CTNND2: variants seen among roughly 807,000 people sequenced by gnomAD.
CTNND2 encodes the protein catenin delta-2.
A neutral mutation model predicts 144.4 loss-of-function variants in CTNND2; 22 were observed. That is an observed-to-expected ratio of 0.15 (90% CI 0.11 to 0.22). The LOEUF (loss-of-function observed/expected upper bound fraction) is 0.22. Ranked by LOEUF, CTNND2 falls within the 10% of genes least tolerant of loss-of-function variation. The pLI is 1.00. For synonymous variants in CTNND2, 751 were observed against 695.6 expected (o/e 1.08, Z -1.25); for missense variants, 1,353 against 1,618.8 (o/e 0.84, Z 2.82).
chr5:11,165,085 A>C (rs61757193), intron 11 of CTNND2, among the ~76,000 whole-genome samples: 1 of 152,268 alleles, frequency 6.6e-6, no homozygotes, highest in Non-Finnish European at 1.5e-5. Context: ...TAGCGTTAGC[A>C]AAATGACGTC....
intron 3 of CTNND2, among the ~76,000 whole-genome samples, chr5:11,481,785 GA>G (rs912209685): frequency 6.6e-5 from 10 of 151,226 alleles, no homozygotes; most frequent in South Asian, 2.1e-4. Flanking sequence ...ACTGGGTTGG[GA>G]AAAAAAAATT....
chr5:11,486,017 C>A lies in CTNND2; in HGVS notation c.288-73948G>T, dbSNP rs189203547. Among the ~76,000 whole-genome samples the A allele has an allele frequency of 4.7e-4, 71 of 152,046 alleles. No homozygotes were observed. The East Asian group carries it at 0.013, about 27-fold the overall frequency. On this transcript the variant is annotated intron_variant, in intron 3 of 21. Coordinates refer to ENST00000304623, the MANE Select transcript of CTNND2 (RefSeq NM_001332.4). ...AGTTGATAAAACATGGTATAAGAAGCCCTATAAATAAAGAAGAAAAAAACA... is the reference window on the plus strand; with the variant it reads ...AGTTGATAAAACATGGTATAAGAAGACCTATAAATAAAGAAGAAAAAAACA...
At chr5:11,295,447 A>G (rs1748826060) in intron 9 of CTNND2, among the ~76,000 whole-genome samples, 2 of 152,196 alleles carry the variant, frequency 1.3e-5, no homozygotes, top group African/African-American at 4.8e-5. Context: ...CCATCAAGCT[A>G]CCAATGACTT....
intron 1 of CTNND2, among the ~76,000 whole-genome samples, chr5:11,758,963 A>G (rs1283700054): frequency 1.3e-5 from 2 of 152,044 alleles, no homozygotes; most frequent in African/African-American, 4.8e-5. Context: ...TTTAATATTT[A>G]GTTGTTAGAA....
chr5:11,851,244 T>C (rs1794995912), intron 1 of CTNND2, among the ~76,000 whole-genome samples: 1 of 122,852 alleles, frequency 8.1e-6, no homozygotes, highest in South Asian at 3.1e-4. Context: ...ATAATATTCA[T>C]ATTATCTCTC....
intron 18 of CTNND2, among the ~76,000 whole-genome samples, chr5:11,000,296 G>A (rs971698442): frequency 6.6e-6 from 1 of 152,222 alleles, no homozygotes. Flanking sequence ...GCCGAGGCGG[G>A]CAGATCATGA....
At chr5:11,543,206 C>T (rs2530904) in intron 3 of CTNND2, among the ~76,000 whole-genome samples, 39,113 of 152,058 alleles carry the variant, frequency 0.26, 5,868 homozygotes, top group African/African-American at 0.42. Context: ...TAGATGAAAT[C>T]TGCAAACAGT....
intron 1 of CTNND2, among the ~76,000 whole-genome samples, chr5:11,855,909 A>G (rs780066292): frequency 2.6e-5 from 4 of 152,238 alleles, no homozygotes; most frequent in Non-Finnish European, 4.4e-5. Flanking sequence ...AATAAAGGAT[A>G]TTGCCGGATA....
At chr5:11,402,602 C>T (rs1760731414) in intron 5 of CTNND2, among the ~76,000 whole-genome samples, 1 of 152,184 alleles carries the variant, frequency 6.6e-6, no homozygotes, top group South Asian at 2.1e-4. Flanking sequence ...TGGTTGTTTT[C>T]TCCTGATCTT....
At chr5:11,484,983 A>G (rs1768659508) in intron 3 of CTNND2, among the ~76,000 whole-genome samples, 1 of 152,220 alleles carries the variant, frequency 6.6e-6, no homozygotes, top group South Asian at 2.1e-4. Context: ...TATATCATAT[A>G]CTTAGGAAAG....
intron 16 of CTNND2, among the ~76,000 whole-genome samples, chr5:11,066,105 T>C (rs1747546007): frequency 6.6e-6 from 1 of 151,858 alleles, no homozygotes; most frequent in Non-Finnish European, 1.5e-5. Context: ...AGTGGTGTGA[T>C]CTCAGCTCAC....
intron 1 of CTNND2, among the ~76,000 whole-genome samples, chr5:11,774,328 TG>T (rs1364239228): frequency 6.9e-6 from 1 of 144,776 alleles, no homozygotes; most frequent in African/African-American, 2.6e-5. Flanking sequence ...ATGGTGTATA[TG>T]TGCCACATTT....
chr5:11,871,713 A>G (rs1437585707), intron 1 of CTNND2, among the ~76,000 whole-genome samples: 1 of 152,066 alleles, frequency 6.6e-6, no homozygotes, highest in Non-Finnish European at 1.5e-5. Flanking sequence ...TGTTGTTCAT[A>G]TTTTAGTATT....
chr5:11,859,389 C>T (rs368260759), intron 1 of CTNND2, among the ~76,000 whole-genome samples: 13 of 152,250 alleles, frequency 8.5e-5, no homozygotes, highest in East Asian at 7.7e-4. Flanking sequence ...TAAATGACAA[C>T]GAAAATAGAA....
chr5:11,040,750 C>T (rs1744613189), intron 16 of CTNND2, among the ~76,000 whole-genome samples: 1 of 152,116 alleles, frequency 6.6e-6, no homozygotes, highest in African/African-American at 2.4e-5. Flanking sequence ...AGGCAAGCAA[C>T]TAATATGATA....
intron 3 of CTNND2, among the ~76,000 whole-genome samples, chr5:11,496,913 GAA>G (rs1394321021): frequency 6.6e-6 from 1 of 152,170 alleles, no homozygotes. Context: ...CCTGGGAGAA[GAA>G]AGAGAGCCAG....
At chr5:11,082,026 C>A (rs1749629915) in intron 16 of CTNND2, among the ~76,000 whole-genome samples, 1 of 152,170 alleles carries the variant, frequency 6.6e-6, no homozygotes, top group South Asian at 2.1e-4. Flanking sequence ...TCACTAATTA[C>A]CCTTTACTCA....
chr5:11,568,286 C>G (rs555393365), intron 2 of CTNND2, among the ~76,000 whole-genome samples: 1 of 152,298 alleles, frequency 6.6e-6, no homozygotes, highest in South Asian at 2.1e-4. Context: ...GACCCATGAA[C>G]TCCCTGGACT....
intron 1 of CTNND2, among the ~76,000 whole-genome samples, chr5:11,808,946 C>T (rs1792159714): frequency 6.6e-6 from 1 of 152,154 alleles, no homozygotes; most frequent in African/African-American, 2.4e-5. Context: ...GGAACAACTC[C>T]AGCTGGAATG....
Sources: allele counts gnomAD v4.1 joint callset (sites outside exome capture counted in the v4.1 genomes callset), GRCh38; gene constraint gnomAD v4.1.1; transcripts MANE v1.5; gene names NCBI Gene and HGNC (gene_info 2026-07-23, HGNC 2026-07-21).